SLA2: variants seen among roughly 807,000 people sequenced by gnomAD.
SLA2 encodes the protein src-like-adapter 2.
SLA2 carries 22 observed loss-of-function variants against 27.3 expected under a neutral mutation model. The ratio of observed to expected loss-of-function variants is 0.81; its 90% confidence interval spans 0.58 to 1.15. The LOEUF is 1.15. SLA2 is among the 50% of genes most tolerant of loss of function. The probability of loss-of-function intolerance (pLI) is 0.00; values close to 1 mark genes in which losing one functional copy is unlikely to be tolerated. For synonymous variants in SLA2, 131 were observed against 137.8 expected (o/e 0.95, Z 0.34); for missense variants, 304 against 322.2 (o/e 0.94, Z 0.43).
intron 2 of SLA2, among the ~76,000 whole-genome samples, chr20:36,634,843 T>C (rs2039428784): frequency 6.6e-6 from 1 of 151,692 alleles, no homozygotes; most frequent in African/African-American, 2.4e-5. Flanking sequence ...AGGGTCTTGC[T>C]CCATCACCAC....
chr20:36,637,488 C>T (rs192722366), intron 2 of SLA2, among the ~76,000 whole-genome samples: 17 of 152,172 alleles, frequency 1.1e-4, no homozygotes, highest in Admixed American at 2.6e-4. Flanking sequence ...AGCCACTGCA[C>T]CCAGCCTACC....
chr20:36,634,378 A>C (rs2039422492), intron 3 of SLA2, 112 bp downstream of exon 3: 9 of 744,646 alleles, frequency 1.2e-5, no homozygotes, highest in South Asian at 7.6e-5. Context: ...TGAGCTCCCG[A>C]GCTCCAGCGA....
At chr20:36,645,629 G>A (rs984438492) in intron 1 of SLA2, among the ~76,000 whole-genome samples, 1 of 152,188 alleles carries the variant, frequency 6.6e-6, no homozygotes, top group Non-Finnish European at 1.5e-5. Flanking sequence ...GCTCCAAGAG[G>A]AGGTCAAAGG....
chr20:36,624,913 C>T (rs2039321232), intron 5 of SLA2, among the ~76,000 whole-genome samples: 1 of 152,186 alleles, frequency 6.6e-6, no homozygotes, highest in South Asian at 2.1e-4. Flanking sequence ...GTCCTTGGAA[C>T]TGATGCTACA....
At chr20:36,624,117 G>C (rs539457584) in intron 5 of SLA2, among the ~76,000 whole-genome samples, 1 of 152,074 alleles carries the variant, frequency 6.6e-6, no homozygotes, top group Non-Finnish European at 1.5e-5. Flanking sequence ...GCCCTGTTGG[G>C]TGTGGTCAGA....
At chr20:36,619,914 G>C (rs2039262188) in intron 5 of SLA2, among the ~76,000 whole-genome samples, 1 of 150,858 alleles carries the variant, frequency 6.6e-6, no homozygotes. Context: ...TTACAGGTGT[G>C]AGCCACCGTG....
chr20:36,614,095 C>A, intron 7 of SLA2, 109 bp from the exon 8 acceptor site: 4 of 1,512,478 alleles, frequency 2.6e-6, no homozygotes, highest in Non-Finnish European at 3.6e-6. Context: ...CTGAGGACCT[C>A]ATGGGGCTCC....
chr20:36,641,172 G>C, intron 2 of SLA2, 73 bp downstream of exon 2: 1 of 1,289,834 alleles, frequency 7.8e-7, no homozygotes, highest in African/African-American at 1.5e-5. Context: ...CTGCTGGCCA[G>C]GAAGGCCCAC....
At position 36,615,229 on chromosome 20, in the gene SLA2, G is replaced by A; in HGVS notation, c.528C>T (p.Tyr176=). 4 of 1,614,134 alleles carry A rather than the reference G, an allele frequency of 2.5e-6. No individual in the cohort carries two copies. Among genetic ancestry groups the A allele is most frequent in the Non-Finnish European group, 3.4e-6 (4 of 1,180,034 alleles). The change falls in exon 6 of 8, where the codon TAC becomes TAT. Residue 176 remains tyrosine (Y), a synonymous_variant. Coordinates refer to ENST00000262866, the MANE Select transcript of SLA2 (RefSeq NM_032214.4). ...GGAGGCAGGGAAAGGCCATACCAGAGTAATGGTCCACCAGGGCCTGGAGTG... is the reference window on the plus strand; with the variant it reads ...GGAGGCAGGGAAAGGCCATACCAGAATAATGGTCCACCAGGGCCTGGAGTG... ...FPSLQALVDH[Y]SELADDICCL...
chr20:36,627,292 G>A (rs1316965558), intron 5 of SLA2, among the ~76,000 whole-genome samples: 2 of 152,202 alleles, frequency 1.3e-5, no homozygotes, highest in African/African-American at 4.8e-5. Context: ...CATCACCTCC[G>A]GGACCTCTGG....
chr20:36,615,365 GAGTA>G lies in SLA2; in HGVS notation c.388_391del (p.Tyr130LeufsTer78), dbSNP rs1568600044. ...AGGGCGGCTGAGGCGGACTGACAGAGAGTAAGAGCCTGAGGAGAAAGGGGTCCAG... is the reference window on the plus strand; with the variant it reads ...AGGGCGGCTGAGGCGGACTGACAGAGAGAGCCTGAGGAGAAAGGGGTCCAG... On this transcript the variant is annotated frameshift_variant, in exon 6 of 8. Coordinates refer to ENST00000262866, the MANE Select transcript of SLA2 (RefSeq NM_032214.4). LOFTEE classifies it high-confidence loss of function. 9 of 1,613,760 alleles carry G rather than the reference GAGTA, an allele frequency of 5.6e-6. No homozygotes were observed. The Admixed American group carries it at 1.0e-4, about 18-fold the overall frequency.
chr20:36,625,216 ATTTTT>A (rs71186005), intron 5 of SLA2, among the ~76,000 whole-genome samples: 1 of 78,496 alleles, frequency 1.3e-5, no homozygotes, highest in African/African-American at 5.4e-5. Flanking sequence ...ACGTACCCTG[ATTTTT>A]TTTTTTTTTT....
chr20:36,626,569 T>G (rs941262757), intron 5 of SLA2, among the ~76,000 whole-genome samples: 4 of 144,064 alleles, frequency 2.8e-5, no homozygotes, highest in African/African-American at 1.1e-4. Flanking sequence ...AAAAAAAGTC[T>G]GGGCGCGGTG....
chr20:36,636,619 A>AT (rs1568609040), intron 2 of SLA2, among the ~76,000 whole-genome samples: 184 of 126,826 alleles, frequency 1.5e-3, no homozygotes, highest in African/African-American at 6.3e-3. Context: ...AAGAAAAAAA[A>AT]AAAAATATAT....
At chr20:36,625,865 C>T (rs1052091443) in intron 5 of SLA2, among the ~76,000 whole-genome samples, 3 of 151,752 alleles carry the variant, frequency 2.0e-5, no homozygotes, top group South Asian at 2.1e-4. Flanking sequence ...TGGCTCATGC[C>T]TATAAACCCA....
intron 5 of SLA2, among the ~76,000 whole-genome samples, chr20:36,626,553 TAAAAAA>T: frequency 7.4e-6 from 1 of 135,902 alleles, no homozygotes; most frequent in East Asian, 2.2e-4. Context: ...GACCCTGTCT[TAAAAAA>T]AAAAAAGTCT....
chr20:36,612,337 A>G lies in SLA2; in HGVS notation c.*1529T>C, dbSNP rs2039145128. 1 of 903,756 alleles carries G rather than the reference A, an allele frequency of 1.1e-6. No individual in the cohort carries two copies. Among genetic ancestry groups the G allele is most frequent in the Non-Finnish European group, 1.8e-6 (1 of 556,924 alleles). The allele number at this position is 903,756 out of a possible 1,614,324, so 56.0% of individuals were successfully genotyped here. On this transcript the variant is annotated 3_prime_UTR_variant, in exon 8 of 8. Transcript: ENST00000262866. Reference sequence around the variant, plus strand: ...CTATTATTTGCCAAGTGGAGCTGTCATTTAATTTGATGCACCTCTGGATTC... The same window carrying G: ...CTATTATTTGCCAAGTGGAGCTGTCGTTTAATTTGATGCACCTCTGGATTC...
chr20:36,623,388 A>C (rs2039305545), intron 5 of SLA2, among the ~76,000 whole-genome samples: 1 of 152,194 alleles, frequency 6.6e-6, no homozygotes, highest in Non-Finnish European at 1.5e-5. Flanking sequence ...GTTGTACTAA[A>C]GGTCCTAACA....
At chr20:36,627,285 C>G (rs992064148) in intron 5 of SLA2, among the ~76,000 whole-genome samples, 3 of 152,202 alleles carry the variant, frequency 2.0e-5, no homozygotes, top group Admixed American at 6.5e-5. Flanking sequence ...TAGGCAACAT[C>G]ACCTCCGGGA....
Sources: allele counts gnomAD v4.1 joint callset (sites outside exome capture counted in the v4.1 genomes callset), GRCh38; gene constraint gnomAD v4.1.1; transcripts MANE v1.5; gene names NCBI Gene and HGNC (gene_info 2026-07-23, HGNC 2026-07-21).